SLC35D4: variants seen among roughly 807,000 people sequenced by gnomAD.
SLC35D4 encodes the protein UDP-N-acetylglucosamine transporter SLC35D4.
the SLC35D4 span, among the ~76,000 whole-genome samples, chr18:23,374,203 C>T: frequency 6.6e-6 from 1 of 152,152 alleles, no homozygotes; most frequent in African/African-American, 2.4e-5. Flanking sequence ...CTTTGTGCAA[C>T]CCCACAACCG....
chr18:23,275,044 G>A, the SLC35D4 span, among the ~76,000 whole-genome samples: 2 of 32,738 alleles, frequency 6.1e-5, no homozygotes, highest in African/African-American at 4.3e-4. Context: ...TATTTTGTGT[G>A]TGAGTGTGTT....
the SLC35D4 span, among the ~76,000 whole-genome samples, chr18:23,317,503 T>C: frequency 6.6e-6 from 1 of 152,168 alleles, no homozygotes; most frequent in Non-Finnish European, 1.5e-5. Flanking sequence ...AGGGTTCCAA[T>C]TTTTTTGTGC....
At chr18:23,425,539 T>C in the SLC35D4 span, among the ~76,000 whole-genome samples, 22 of 152,344 alleles carry the variant, frequency 1.4e-4, no homozygotes, top group South Asian at 3.9e-3. Context: ...TGGCCTCGCC[T>C]ACCACAAACA....
the SLC35D4 span, among the ~76,000 whole-genome samples, chr18:23,417,322 AG>A: frequency 1.3e-5 from 2 of 152,220 alleles, no homozygotes; most frequent in Non-Finnish European, 2.9e-5. Context: ...GAGTACATGT[AG>A]ACATTGTTCA....
the SLC35D4 span, among the ~76,000 whole-genome samples, chr18:23,423,306 GC>G: frequency 1.1e-4 from 16 of 152,214 alleles, no homozygotes; most frequent in Non-Finnish European, 2.2e-4. Context: ...CACTGACCCA[GC>G]CAAGCAGAAC....
the SLC35D4 span, among the ~76,000 whole-genome samples, chr18:23,264,465 C>T: frequency 2.7e-5 from 4 of 148,036 alleles, no homozygotes; most frequent in South Asian, 4.2e-4. Flanking sequence ...CAGGTTCAAG[C>T]GATTCTCCTG....
the SLC35D4 span, among the ~76,000 whole-genome samples, chr18:23,350,489 C>T: frequency 2.6e-5 from 4 of 152,154 alleles, no homozygotes; most frequent in Non-Finnish European, 4.4e-5. Context: ...TGTGTGTATG[C>T]AGGCTCTGCT....
chr18:23,321,790 G>A, the SLC35D4 span, among the ~76,000 whole-genome samples: 1 of 152,028 alleles, frequency 6.6e-6, no homozygotes, highest in Non-Finnish European at 1.5e-5. Flanking sequence ...TTCCCATTCA[G>A]CAACAATTTT....
At chr18:23,299,526 G>A in the SLC35D4 span, among the ~76,000 whole-genome samples, 1 of 152,186 alleles carries the variant, frequency 6.6e-6, no homozygotes, top group Non-Finnish European at 1.5e-5. Context: ...GGTTGGCGGG[G>A]ACTGACTGAG....
At chr18:23,399,487 T>C in the SLC35D4 span, 2 of 1,266,968 alleles carry the variant, frequency 1.6e-6, no homozygotes, top group East Asian at 2.3e-5. Flanking sequence ...TTTGCCCTTA[T>C]TGAGCTGAGG....
the SLC35D4 span, chr18:23,376,850 C>A: frequency 2.2e-6 from 1 of 456,692 alleles, no homozygotes; most frequent in South Asian, 1.5e-5. Context: ...GTATCATGAG[C>A]TTTACCGCCT....
chr18:23,370,371 C>T, the SLC35D4 span: 1 of 1,028,446 alleles, frequency 9.7e-7, no homozygotes, highest in African/African-American at 1.6e-5. Context: ...AAAAGCACGA[C>T]TGCTGGTCCT....
At chr18:23,401,593 G>A in the SLC35D4 span, among the ~76,000 whole-genome samples, 57 of 152,288 alleles carry the variant, frequency 3.7e-4, no homozygotes, top group Non-Finnish European at 5.7e-4. Flanking sequence ...ACAGGCCCAT[G>A]GCCTGTTGTG....
the SLC35D4 span, among the ~76,000 whole-genome samples, chr18:23,333,041 T>C: frequency 1.3e-5 from 2 of 152,040 alleles, no homozygotes; most frequent in Non-Finnish European, 2.9e-5. Context: ...TTTGCTGACA[T>C]AACATCTTTG....
At chr18:23,367,894 C>A in the SLC35D4 span, among the ~76,000 whole-genome samples, 1 of 151,820 alleles carries the variant, frequency 6.6e-6, no homozygotes, top group African/African-American at 2.4e-5. Flanking sequence ...TACAGAAACC[C>A]CTTATAGTTA....
At chr18:23,317,746 C>T in the SLC35D4 span, among the ~76,000 whole-genome samples, 4 of 145,932 alleles carry the variant, frequency 2.7e-5, no homozygotes, top group East Asian at 8.0e-4. Context: ...TGTTTCATTT[C>T]TTTTTTTTTT....
the SLC35D4 span, among the ~76,000 whole-genome samples, chr18:23,331,883 C>CTTTTTTTT: frequency 1.9e-5 from 2 of 102,982 alleles, no homozygotes; most frequent in African/African-American, 3.9e-5. Context: ...TTGAACATGT[C>CTTTTTTTT]TTTTTTTTTT....
At chr18:23,317,359 G>T in the SLC35D4 span, among the ~76,000 whole-genome samples, 3 of 152,102 alleles carry the variant, frequency 2.0e-5, no homozygotes, top group Non-Finnish European at 2.9e-5. Flanking sequence ...AAACATCACA[G>T]AACCACTTCA....
At chr18:23,423,268 C>G in the SLC35D4 span, among the ~76,000 whole-genome samples, 4 of 152,226 alleles carry the variant, frequency 2.6e-5, no homozygotes, top group Admixed American at 2.6e-4. Context: ...CTATAACACC[C>G]AGTTTGCACA....
Sources: allele counts gnomAD v4.1 joint callset (sites outside exome capture counted in the v4.1 genomes callset), GRCh38; gene constraint gnomAD v4.1.1; transcripts MANE v1.5; gene names NCBI Gene and HGNC (gene_info 2026-07-23, HGNC 2026-07-21).